The following PAIP2B variants were observed in gnomAD, a reference collection of about 807,000 sequenced individuals.
The protein encoded by PAIP2B is polyadenylate-binding protein-interacting protein 2B.
A neutral mutation model predicts 17.0 loss-of-function variants in PAIP2B; 13 were observed. That is an observed-to-expected ratio of 0.76 (90% CI 0.50 to 1.22). The LOEUF is 1.22. Among genes scored for constraint, PAIP2B ranks in the 50% most tolerant of loss-of-function variants. The probability of loss-of-function intolerance (pLI) is 0.00; values close to 1 mark genes in which losing one functional copy is unlikely to be tolerated. For synonymous variants in PAIP2B, 43 were observed against 48.7 expected (o/e 0.88, Z 0.48); for missense variants, 117 against 144.5 (o/e 0.81, Z 0.98).
chr2:71,223,005 T>G (rs1432865946), intron 1 of PAIP2B, among the ~76,000 whole-genome samples: 1 of 152,216 alleles, frequency 6.6e-6, no homozygotes, highest in Admixed American at 6.5e-5. Flanking sequence ...AATCTATAAT[T>G]CCAACCTGGG....
intron 1 of PAIP2B, among the ~76,000 whole-genome samples, chr2:71,216,167 T>C (rs142388079): frequency 8.5e-4 from 130 of 152,350 alleles, no homozygotes; most frequent in African/African-American, 3.0e-3. Context: ...GTCTAATATC[T>C]TTAAAAACAC....
intron 1 of PAIP2B, 100 bp from the exon 2 acceptor site, chr2:71,202,700 G>C: frequency 9.3e-7 from 1 of 1,074,116 alleles, no homozygotes; most frequent in Non-Finnish European, 1.3e-6. Context: ...GAAATTCTAA[G>C]TCAAAGATTT....
At chr2:71,201,010 TGTGTG>T (rs1558776116) in intron 2 of PAIP2B, among the ~76,000 whole-genome samples, 1 of 7,608 alleles carries the variant, frequency 1.3e-4, no homozygotes, top group Non-Finnish European at 2.9e-4. Context: ...TGTGTGTGGG[TGTGTG>T]TGTGTGTGTG....
intron 1 of PAIP2B, among the ~76,000 whole-genome samples, chr2:71,220,320 T>C (rs1232472284): frequency 2.0e-5 from 3 of 152,150 alleles, no homozygotes; most frequent in Non-Finnish European, 4.4e-5. Context: ...ATTTATTTCA[T>C]AAAAATAAAG....
rs943141653 is a variant in PAIP2B, at chr2:71,226,991, T to C, written c.-75A>G. On this transcript the variant is annotated 5_prime_UTR_variant, in exon 1 of 4. Coordinates refer to ENST00000244221, the MANE Select transcript of PAIP2B (RefSeq NM_020459.1). ...GCCACTCCTCCGAGAGCTTAAGCCG[T>C]TGCCGTAGAGGTCGCCGTCGCCACA... is the stretch of plus-strand genomic sequence containing the variant. 2 of 153,042 alleles carry C rather than the reference T, an allele frequency of 1.3e-5. No homozygotes were observed. Among genetic ancestry groups the C allele is most frequent in the African/African-American group, 2.4e-5 (1 of 41,430 alleles). The allele number at this position is 153,042 out of a possible 1,614,324, so 9.5% of individuals were successfully genotyped here. A position where few individuals can be genotyped will look rare whatever the true frequency, so the allele number is the denominator to read the frequency against.
At chr2:71,210,768 T>C (rs2012272) in intron 1 of PAIP2B, among the ~76,000 whole-genome samples, 150,184 of 152,310 alleles carry the variant, frequency 0.99, 74,051 homozygotes, top group East Asian at 1. Flanking sequence ...ACCTCTTTTT[T>C]ATTAATGTTT....
At chr2:71,189,583 T>C (rs1674630189) in intron 3 of PAIP2B, among the ~76,000 whole-genome samples, 1 of 152,168 alleles carries the variant, frequency 6.6e-6, no homozygotes, top group South Asian at 2.1e-4. Flanking sequence ...AAGAGCCCAT[T>C]AGAAAGTAAA....
chr2:71,199,567 C>T (rs12478523), intron 2 of PAIP2B, among the ~76,000 whole-genome samples: 49,397 of 147,842 alleles, frequency 0.33, 9,072 homozygotes, highest in Admixed American at 0.46. Context: ...AACCCAACTG[C>T]GTCCTTTTTT....
intron 2 of PAIP2B, among the ~76,000 whole-genome samples, chr2:71,199,284 A>G (rs1674912533): frequency 6.6e-6 from 1 of 152,148 alleles, no homozygotes; most frequent in Non-Finnish European, 1.5e-5. Context: ...ACCAAATTGG[A>G]AGGGAAAAAA....
Position 71,198,012 on chromosome 2 carries a change from C to T in PAIP2B, c.138+4440G>A, listed in dbSNP as rs555962248. 5.9e-5 allele frequency among the ~76,000 whole-genome samples: 9 copies of T among 152,346 alleles called. No homozygotes were observed. In the South Asian group the frequency reaches 1.0e-3, roughly 18 times the overall value. ...TCAAGTTATTTACTTTGTTCCCCTC[C>T]CTTTCAGGGATGCCAGTGATACATA... On this transcript the variant is annotated intron_variant, in intron 2 of 3. Coordinates refer to ENST00000244221, the MANE Select transcript of PAIP2B (RefSeq NM_020459.1).
intron 1 of PAIP2B, among the ~76,000 whole-genome samples, chr2:71,221,598 T>C (rs919921702): frequency 6.6e-6 from 1 of 152,254 alleles, no homozygotes. Flanking sequence ...ATGTGTCAAT[T>C]ACCTTGTTAG....
intron 1 of PAIP2B, among the ~76,000 whole-genome samples, chr2:71,222,802 C>A (rs1307887144): frequency 6.6e-6 from 1 of 152,190 alleles, no homozygotes; most frequent in East Asian, 1.9e-4. Flanking sequence ...CAGCATGATT[C>A]TTCTATAATA....
At chr2:71,218,018 G>C (rs1189497521) in intron 1 of PAIP2B, among the ~76,000 whole-genome samples, 2 of 152,124 alleles carry the variant, frequency 1.3e-5, no homozygotes, top group Non-Finnish European at 2.9e-5. Context: ...CAGGAGCTAT[G>C]ATCATGCCAC....
chr2:71,201,428 G>C (rs1352693481), intron 2 of PAIP2B, among the ~76,000 whole-genome samples: 2 of 150,598 alleles, frequency 1.3e-5, no homozygotes, highest in East Asian at 4.0e-4. Context: ...CTGTAGCCCA[G>C]GCTGGAGTGC....
chr2:71,201,296 G>A (rs1468753962), intron 2 of PAIP2B, among the ~76,000 whole-genome samples: 1 of 152,092 alleles, frequency 6.6e-6, no homozygotes, highest in Admixed American at 6.6e-5. Context: ...GATAAAGGAA[G>A]AGTGAAACCA....
At position 71,183,626 on chromosome 2, in the gene PAIP2B, A is replaced by G. The variant is rs1474990661; in HGVS notation, c.*4853T>C. 1.3e-5 allele frequency: 2 copies of G among 151,862 alleles called. No individual in the cohort carries two copies. Among genetic ancestry groups the G allele is most frequent in the African/African-American group, 4.8e-5 (2 of 41,306 alleles). The allele number at this position is 151,862 out of a possible 1,614,324, so 9.4% of individuals were successfully genotyped here. A position where few individuals can be genotyped will look rare whatever the true frequency, so the allele number is the denominator to read the frequency against. On this transcript the variant is annotated 3_prime_UTR_variant, in exon 4 of 4. Transcript: ENST00000244221. Reference sequence around the variant, plus strand: ...AAAAGGAACAAACTACCAAGACGTTATCTGTCATGGACAAACCTCAAAAAC... The same window carrying G: ...AAAAGGAACAAACTACCAAGACGTTGTCTGTCATGGACAAACCTCAAAAAC...
chr2:71,194,459 TTGTGTGTGTG>T lies in PAIP2B; in HGVS notation c.139-4448_139-4439del, dbSNP rs141924993. 8.2e-3 allele frequency among the ~76,000 whole-genome samples: 1,177 copies of T among 143,482 alleles called. 9 individuals carry two copies. Among genetic ancestry groups the T allele is most frequent in the Non-Finnish European group, 0.011 (752 of 66,200 alleles). 94.1% of individuals were successfully genotyped at this position (143,482 alleles called of 152,430 possible). A position where few individuals can be genotyped will look rare whatever the true frequency, so the allele number is the denominator to read the frequency against. On this transcript the variant is annotated intron_variant, in intron 2 of 3. Transcript: ENST00000244221. The stretch of plus-strand genomic sequence containing the variant: ...CTCCCTGGTTAGCTGTATTCCTAGG[TTGTGTGTGTG>T]TGTGTGTGTGTGTGTGTGTGTGTGG...
chr2:71,220,918 T>C (rs747152869), intron 1 of PAIP2B, among the ~76,000 whole-genome samples: 1 of 152,242 alleles, frequency 6.6e-6, no homozygotes, highest in Non-Finnish European at 1.5e-5. Flanking sequence ...TGCTCACCCA[T>C]CTGTCTCCCT....
At position 71,220,270 on chromosome 2, in the gene PAIP2B, CA is replaced by C. The variant is rs879635832; in HGVS notation, c.-12+6657del. ...TTTCATTATGTACAGCAGCACGTAA[CA>C]AAAGATTCCCTTGGACAAAGCAAAT... On this transcript the variant is annotated intron_variant, in intron 1 of 3. Transcript: ENST00000244221. 2.6e-5 allele frequency among the ~76,000 whole-genome samples: 4 copies of C among 152,204 alleles called. No homozygotes were observed. In the East Asian group the frequency reaches 7.7e-4, roughly 29 times the overall value.
Sources: allele counts gnomAD v4.1 joint callset (sites outside exome capture counted in the v4.1 genomes callset), GRCh38; gene constraint gnomAD v4.1.1; transcripts MANE v1.5; gene names NCBI Gene and HGNC (gene_info 2026-07-23, HGNC 2026-07-21).